The following ZNF684 variants were observed in gnomAD, a reference collection of about 807,000 sequenced individuals.
ZNF684 encodes zinc finger protein 684.
ZNF684 carries 13 observed loss-of-function variants against 12.8 expected under a neutral mutation model. That is an observed-to-expected ratio of 1.02 (90% CI 0.66 to 1.62). ZNF684 has a LOEUF of 1.62. Among genes scored for constraint, ZNF684 ranks in the 40% most tolerant of loss-of-function variants. The probability of loss-of-function intolerance (pLI) is 0.00; values close to 1 mark genes in which losing one functional copy is unlikely to be tolerated. For synonymous variants in ZNF684, 118 were observed against 151.8 expected (o/e 0.78, Z 1.64); for missense variants, 384 against 446.9 (o/e 0.86, Z 1.27).
intron 2 of ZNF684, among the ~76,000 whole-genome samples, chr1:40,540,294 G>A (rs912907848): frequency 1.4e-4 from 22 of 152,132 alleles, no homozygotes; most frequent in Admixed American, 1.2e-3. Flanking sequence ...ATGTAAAATG[G>A]ATGGGGAGTT....
intron 4 of ZNF684, among the ~76,000 whole-genome samples, chr1:40,544,204 G>C (rs1211793140): frequency 1.3e-5 from 2 of 151,766 alleles, no homozygotes; most frequent in East Asian, 3.8e-4. Flanking sequence ...TTTTAAAAAT[G>C]TTACCTGAAA....
At chr1:40,541,385 G>C (rs1646014748) in intron 3 of ZNF684, 2 of 338,842 alleles carry the variant, frequency 5.9e-6, no homozygotes, top group Admixed American at 3.7e-5. Flanking sequence ...GGGTCTCACT[G>C]TGTTAGCCAG....
chr1:40,538,871 CTT>C (rs1645999284), intron 2 of ZNF684, among the ~76,000 whole-genome samples: 1 of 151,154 alleles, frequency 6.6e-6, no homozygotes, highest in South Asian at 2.1e-4. Context: ...CTGCTAAACT[CTT>C]TTCCATAGTT....
intron 1 of ZNF684, 79 bp from the exon 2 acceptor site, chr1:40,533,064 G>A: frequency 8.2e-7 from 1 of 1,220,846 alleles, no homozygotes; most frequent in East Asian, 2.4e-5. Context: ...CTTATGGTCT[G>A]ATAGAGCAGG....
In ZNF684 at chr1:40,547,522, A is replaced by G; in HGVS notation, c.*62A>G. 1 of 1,392,480 alleles carries G rather than the reference A, an allele frequency of 7.2e-7. No individual in the cohort carries two copies. The highest frequency in any genetic ancestry group is 2.6e-5 in the Admixed American group (1 of 38,206). The allele number at this position is 1,392,480 out of a possible 1,614,324, so 86.3% of individuals were successfully genotyped here. A position where few individuals can be genotyped will look rare whatever the true frequency, so the allele number is the denominator to read the frequency against. ...ATTTGCTAAATCTTATTAAATACTA[A>G]AGAATTCATGGTGAGAAGTCTACAA... On this transcript the variant is annotated 3_prime_UTR_variant, in exon 5 of 5. Transcript: ENST00000372699.
At chr1:40,545,890 A>AATCCCTTT (rs1646043644) in intron 4 of ZNF684, among the ~76,000 whole-genome samples, 1 of 143,340 alleles carries the variant, frequency 7.0e-6, no homozygotes, top group Non-Finnish European at 1.5e-5. Flanking sequence ...ATTTTCCCTT[A>AATCCCTTT]ATCCCTTTGC....
At chr1:40,541,192 GTTT>G (rs372463471) in intron 3 of ZNF684, 12 of 139,918 alleles carry the variant, frequency 8.6e-5, no homozygotes, top group South Asian at 2.2e-4. Flanking sequence ...GGTCTGTTCT[GTTT>G]TTTTTTTTTT....
chr1:40,543,164 C>T (rs1482044418), intron 4 of ZNF684, among the ~76,000 whole-genome samples: 1 of 152,306 alleles, frequency 6.6e-6, no homozygotes, highest in Admixed American at 6.5e-5. Context: ...CCACAGTCCT[C>T]AGCTGAATTT....
chr1:40,545,870 G>A (rs1393807049), intron 4 of ZNF684, among the ~76,000 whole-genome samples: 1 of 139,052 alleles, frequency 7.2e-6, no homozygotes, highest in East Asian at 2.1e-4. Context: ...AACCTAGTCT[G>A]TTCTCTGATA....
Position 40,544,486 on chromosome 1 carries a change from G to C in ZNF684, c.239-2076G>C, listed in dbSNP as rs1052968529. The C allele has an allele frequency of 3.5e-5, 12 of 347,564 alleles. No homozygotes were observed. In the Admixed American group the frequency reaches 4.6e-4, roughly 13 times the overall value. The allele number at this position is 347,564 out of a possible 1,614,324, so 21.5% of individuals were successfully genotyped here. A position where few individuals can be genotyped will look rare whatever the true frequency, so the allele number is the denominator to read the frequency against. ...CCTACCTCAGCCTCCCGAAGAGCTG[G>C]AACTACAGGCGCCCGCCACCATGCC... On this transcript the variant is annotated intron_variant, in intron 4 of 4. Transcript: ENST00000372699.
chr1:40,532,148 T>C (rs1445622461), intron 1 of ZNF684, among the ~76,000 whole-genome samples: 3 of 152,164 alleles, frequency 2.0e-5, no homozygotes, highest in Admixed American at 2.0e-4. Context: ...GTGGAAACTG[T>C]AAGCTATTTC....
Position 40,546,664 on chromosome 1 carries a change from A to G in ZNF684, c.341A>G (p.Glu114Gly). 6.2e-7 allele frequency: 1 copy of G among 1,607,180 alleles called. No homozygotes were observed. The highest frequency in any genetic ancestry group is 8.5e-7 in the Non-Finnish European group (1 of 1,178,328). Residue 114 changes from glutamate (E) to glycine (G), a missense_variant, in exon 5 of 5, where the codon GAG (glutamate) becomes GGG (glycine). Physicochemically the swap from Glu to Gly is moderately conservative, Grantham distance 98 (BLOSUM62 -2). Transcript: ENST00000372699. ...ACATTCAATAAAATTCTGACTATGG[A>G]GAGAATCCACCATTATAATATGAGC... ...LLTFNKILTM[E>G]RIHHYNMSTS...
In ZNF684 at chr1:40,546,601, G is replaced by A. The variant is rs763198245; in HGVS notation, c.278G>A (p.Arg93Gln). The change falls in exon 5 of 5, where the codon CGG becomes CAG. Residue 93 changes from arginine (R) to glutamine (Q), a missense_variant. By Grantham distance (43) the Arg-to-Gln change is conservative (BLOSUM62 1). Transcript: ENST00000372699. ...YPLVDEPGKH[R>Q]ESKDNFLKSV... Reference sequence around the variant, plus strand: ...CTTGTTGATGAACCAGGGAAGCATCGGGAAAGCAAAGACAATTTTTTGAAG... The same window carrying A: ...CTTGTTGATGAACCAGGGAAGCATCAGGAAAGCAAAGACAATTTTTTGAAG... The A allele has an allele frequency of 1.4e-5, 22 of 1,579,428 alleles. No individual in the cohort carries two copies. The East Asian group carries it at 1.8e-4, about 13-fold the overall frequency.
rs41268081 is a variant in ZNF684 at position 40,547,175 on chromosome 1, A to G, written c.852A>G (p.Ser284=). 0.039 allele frequency: 62,816 copies of G among 1,614,158 alleles called. 1,790 individuals carry two copies. The highest frequency in any genetic ancestry group is 0.13 in the African/African-American group (9,420 of 75,026). ...GTGGGAAAACCTTCAGGTATAGTTC[A>G]TCCCTTTATAAACATTCCAGATTTC... ...KECGKTFRYS[S]SLYKHSRFHT... Residue 284 remains serine, a synonymous_variant, in exon 5 of 5, where the codon TCA becomes TCG. Transcript: ENST00000372699.
chr1:40,543,259 C>A (rs530493069), intron 4 of ZNF684, among the ~76,000 whole-genome samples: 2 of 152,298 alleles, frequency 1.3e-5, no homozygotes, highest in East Asian at 3.9e-4. Flanking sequence ...GATATTTCTA[C>A]AAGATTTATC....
intron 4 of ZNF684, chr1:40,544,406 C>G: frequency 2.4e-6 from 1 of 424,716 alleles, no homozygotes; most frequent in Non-Finnish European, 4.7e-6. Flanking sequence ...GAGTCTCGCT[C>G]TGTCGCCAGG....
At chr1:40,542,161 G>A (rs188027291) in intron 4 of ZNF684, among the ~76,000 whole-genome samples, 263 of 152,172 alleles carry the variant, frequency 1.7e-3, no homozygotes, top group African/African-American at 6.3e-3. Flanking sequence ...TTATAAAATA[G>A]GAACATTAAT....
chr1:40,540,533 G>A (rs780270847), intron 2 of ZNF684, 53 bp from the exon 3 acceptor site: 33 of 1,499,166 alleles, frequency 2.2e-5, no homozygotes, highest in African/African-American at 2.8e-5. Context: ...TGATTCTCTT[G>A]CAAGTTCGCT....
intron 4 of ZNF684, among the ~76,000 whole-genome samples, chr1:40,546,053 G>T (rs1646045304): frequency 6.6e-6 from 1 of 150,856 alleles, no homozygotes; most frequent in South Asian, 2.1e-4. Flanking sequence ...CTCCTGAGTA[G>T]CTGGGACTAC....
Sources: gnomAD v4.1 joint callset for allele counts (sites outside exome capture counted in the v4.1 genomes callset) on GRCh38, gnomAD v4.1.1 for gene constraint, MANE v1.5 for transcripts, NCBI Gene and HGNC (gene_info 2026-07-23, HGNC 2026-07-21) for gene names.